Variants in GALNT17 observed in about 807,000 individuals in gnomAD.
The protein encoded by GALNT17 is UDP-GalNAc:polypeptide N-acetylgalactosaminyltransferase-like 3.
A neutral mutation model predicts 63.7 loss-of-function variants in GALNT17; 29 were observed. The observed-to-expected ratio is 0.46, with a 90% confidence interval of 0.34 to 0.62. GALNT17 has a LOEUF of 0.62. Among genes scored for constraint, GALNT17 ranks in the 20% least tolerant of loss-of-function variants. The pLI is 0.01. For missense variants in GALNT17, 603 were observed against 799.6 expected, an observed-to-expected ratio of 0.75 and a Z score of 2.97; for synonymous variants, 305 against 318.3, an observed-to-expected ratio of 0.96 and a Z score of 0.45.
intron 6 of GALNT17, among the ~76,000 whole-genome samples, chr7:71,595,565 T>A (rs1036801618): frequency 1.3e-5 from 2 of 151,988 alleles, no homozygotes; most frequent in African/African-American, 4.8e-5. Flanking sequence ...TATCTACAGT[T>A]CCTCTCCTGG....
At chr7:71,640,829 T>C (rs7789555) in intron 6 of GALNT17, among the ~76,000 whole-genome samples, 14,440 of 149,298 alleles carry the variant, frequency 0.097, 2,118 homozygotes, top group African/African-American at 0.32. Flanking sequence ...CTGGGCAACA[T>C]AGCAAGACCC....
intron 5 of GALNT17, among the ~76,000 whole-genome samples, chr7:71,432,026 G>A (rs2116489760): frequency 6.6e-6 from 1 of 152,138 alleles, no homozygotes; most frequent in Middle Eastern, 3.4e-3. Flanking sequence ...AATACAAAAA[G>A]TAGCTGGGTG....
intron 5 of GALNT17, among the ~76,000 whole-genome samples, chr7:71,424,282 T>C (rs1030842312): frequency 7.9e-5 from 12 of 152,316 alleles, no homozygotes; most frequent in Non-Finnish European, 1.2e-4. Flanking sequence ...GTGAGTTTCA[T>C]GTGTTGGCTG....
At position 71,415,896 on chromosome 7, in the gene GALNT17, G is replaced by A. The variant is rs757266030; in HGVS notation, c.597G>A (p.Leu199=). The A allele has an allele frequency of 6.3e-7, 1 of 1,586,492 alleles. No homozygotes were observed. The highest frequency in any genetic ancestry group is 8.6e-7 in the Non-Finnish European group (1 of 1,166,960). ...LVDDNSDEEE[L]KVPLEEYVHK... ...CATTTTTGTCATTTGCAGAGGAGCT[G>A]AAGGTCCCCCTAGAGGAGTATGTCC... is the stretch of plus-strand genomic sequence containing the variant. The change falls in exon 4 of 11, where the codon CTG becomes CTA. Residue 199 remains leucine (L), a synonymous_variant. Coordinates refer to ENST00000333538, the MANE Select transcript of GALNT17 (RefSeq NM_022479.3).
At chr7:71,441,637 G>A (rs879640126) in intron 5 of GALNT17, among the ~76,000 whole-genome samples, 1 of 151,800 alleles carries the variant, frequency 6.6e-6, no homozygotes, top group African/African-American at 2.4e-5. Flanking sequence ...CCCTCCCTTC[G>A]CCCCTCACCT....
intron 1 of GALNT17, among the ~76,000 whole-genome samples, chr7:71,286,333 G>C (rs1790872291): frequency 6.6e-6 from 1 of 152,196 alleles, no homozygotes; most frequent in African/African-American, 2.4e-5. Context: ...TTCTCTATTA[G>C]ACCTTTTACA....
chr7:71,364,183 A>T (rs1672670015), intron 2 of GALNT17, among the ~76,000 whole-genome samples: 1 of 152,108 alleles, frequency 6.6e-6, no homozygotes, highest in African/African-American at 2.4e-5. Context: ...CAAGTCCCCA[A>T]AGTCCATTGT....
chr7:71,238,705 G>T (rs1789940126), intron 1 of GALNT17, among the ~76,000 whole-genome samples: 1 of 152,182 alleles, frequency 6.6e-6, no homozygotes, highest in Admixed American at 6.5e-5. Flanking sequence ...CCACAAGGAG[G>T]TTGTAGTCAG....
chr7:71,252,017 C>T (rs780680566), intron 1 of GALNT17, among the ~76,000 whole-genome samples: 1 of 152,052 alleles, frequency 6.6e-6, no homozygotes. Context: ...AAGAAGGTGC[C>T]CCTGCTGCCT....
Position 71,189,558 on chromosome 7 carries a change from A to G in GALNT17, c.238+56518A>G, listed in dbSNP as rs185596689. 1.8e-3 allele frequency among the ~76,000 whole-genome samples: 279 copies of G among 152,148 alleles called. 1 individual carries two copies. The highest frequency in any genetic ancestry group is 6.4e-3 in the African/African-American group (267 of 41,514). On this transcript the variant is annotated intron_variant, in intron 1 of 10. Coordinates refer to ENST00000333538, the MANE Select transcript of GALNT17 (RefSeq NM_022479.3). ...GGCAGTTGGAGGGAGGAAGGCAGGA[A>G]TGATCTTGGCTGGGAGGATGTGTTG...
chr7:71,393,612 A>G (rs892566197), intron 3 of GALNT17, among the ~76,000 whole-genome samples: 3 of 151,956 alleles, frequency 2.0e-5, no homozygotes, highest in African/African-American at 4.8e-5. Context: ...AGATTGATCT[A>G]TTCTCAGACT....
At chr7:71,581,567 C>T (rs1020461156) in intron 6 of GALNT17, among the ~76,000 whole-genome samples, 3 of 152,102 alleles carry the variant, frequency 2.0e-5, no homozygotes, top group African/African-American at 4.8e-5. Flanking sequence ...CCTCCTTCAA[C>T]GCGTGGGGAT....
intron 1 of GALNT17, among the ~76,000 whole-genome samples, chr7:71,329,273 A>C (rs1189552083): frequency 6.6e-6 from 1 of 152,128 alleles, no homozygotes; most frequent in Non-Finnish European, 1.5e-5. Flanking sequence ...TGGGGAAGGG[A>C]AAGGGAAAAT....
At chr7:71,642,421 G>A (rs915063667) in intron 6 of GALNT17, among the ~76,000 whole-genome samples, 1 of 152,156 alleles carries the variant, frequency 6.6e-6, no homozygotes, top group African/African-American at 2.4e-5. Context: ...ATTTTTAATG[G>A]CTCTCCAAAA....
At chr7:71,602,338 A>C (rs1789978470) in intron 6 of GALNT17, among the ~76,000 whole-genome samples, 1 of 152,174 alleles carries the variant, frequency 6.6e-6, no homozygotes, top group African/African-American at 2.4e-5. Context: ...TTTAGATTCC[A>C]GTCCTGTTGC....
chr7:71,572,657 G>A (rs10229263), intron 6 of GALNT17, among the ~76,000 whole-genome samples: 1 of 152,150 alleles, frequency 6.6e-6, no homozygotes, highest in South Asian at 2.1e-4. Flanking sequence ...AGGCTGGTGA[G>A]AAGATTTAAT....
chr7:71,675,559 G>C (rs1380403745), intron 8 of GALNT17, among the ~76,000 whole-genome samples: 1 of 151,856 alleles, frequency 6.6e-6, no homozygotes, highest in African/African-American at 2.4e-5. Context: ...GGAGATGGAG[G>C]CTGCAGTGAG....
intron 5 of GALNT17, among the ~76,000 whole-genome samples, chr7:71,494,757 G>C (rs546192448): frequency 2.0e-5 from 3 of 152,090 alleles, no homozygotes; most frequent in Non-Finnish European, 4.4e-5. Context: ...AAGGAAAGAG[G>C]TTTAATTGAC....
intron 1 of GALNT17, among the ~76,000 whole-genome samples, chr7:71,276,205 G>T (rs1790677766): frequency 6.6e-6 from 1 of 152,164 alleles, no homozygotes; most frequent in Non-Finnish European, 1.5e-5. Context: ...TGACTGGCTA[G>T]CTGGGTGGGT....
Sources: gnomAD v4.1 joint callset for allele counts (sites outside exome capture counted in the v4.1 genomes callset) on GRCh38, gnomAD v4.1.1 for gene constraint, MANE v1.5 for transcripts, NCBI Gene and HGNC (gene_info 2026-07-23, HGNC 2026-07-21) for gene names.